The following PTPRD variants were observed in gnomAD, a reference collection of about 807,000 sequenced individuals.
PTPRD encodes the protein receptor-type tyrosine-protein phosphatase delta.
A neutral mutation model predicts 214.5 loss-of-function variants in PTPRD; 34 were observed. The observed-to-expected ratio is 0.16, with a 90% CI of 0.12 to 0.21. PTPRD has a LOEUF of 0.21. Among genes scored for constraint, PTPRD ranks in the 10% least tolerant of loss-of-function variants. The pLI is 1.00. For synonymous variants in PTPRD, 1,128 were observed against 845.7 expected (o/e 1.33, Z -5.79); for missense variants, 2,545 against 2,398.7 (o/e 1.06, Z -1.27).
chr9:10,255,251 C>A (rs1003091625), intron 3 of PTPRD, among the ~76,000 whole-genome samples: 2 of 152,090 alleles, frequency 1.3e-5, no homozygotes, highest in Admixed American at 6.5e-5. Context: ...TCTATGTGAA[C>A]ATCATAGAGT....
chr9:9,916,538 C>T (rs115956209), intron 5 of PTPRD, among the ~76,000 whole-genome samples: 1 of 151,672 alleles, frequency 6.6e-6, no homozygotes, highest in Non-Finnish European at 1.5e-5. Flanking sequence ...TATATATATA[C>T]ATGTATGTAT....
chr9:9,835,161 G>A (rs1276051337), intron 5 of PTPRD, among the ~76,000 whole-genome samples: 1 of 152,058 alleles, frequency 6.6e-6, no homozygotes, highest in South Asian at 2.1e-4. Flanking sequence ...CATAGTGTTA[G>A]TACAAAATAC....
At chr9:9,259,776 G>A (rs892107885) in intron 9 of PTPRD, among the ~76,000 whole-genome samples, 4 of 151,884 alleles carry the variant, frequency 2.6e-5, no homozygotes, top group Admixed American at 6.6e-5. Context: ...AAGGTTTGGA[G>A]AACTGTATAC....
chr9:8,556,224 G>C (rs1056445972), intron 14 of PTPRD, among the ~76,000 whole-genome samples: 3 of 152,190 alleles, frequency 2.0e-5, no homozygotes, highest in Non-Finnish European at 2.9e-5. Context: ...TATAAGTCTG[G>C]TCTCTTAGGC....
chr9:9,194,945 AG>A (rs2099937421), intron 9 of PTPRD, among the ~76,000 whole-genome samples: 2 of 151,772 alleles, frequency 1.3e-5, no homozygotes, highest in African/African-American at 4.8e-5. Flanking sequence ...TACTAAGTGA[AG>A]GAGTCAAATA....
chr9:9,236,437 G>A (rs767593722), intron 9 of PTPRD, among the ~76,000 whole-genome samples: 11 of 151,694 alleles, frequency 7.3e-5, no homozygotes, highest in Admixed American at 7.2e-4. Flanking sequence ...TAGAAACAAA[G>A]TTAAAATTCA....
chr9:8,725,663 T>C (rs2098549245), intron 12 of PTPRD, among the ~76,000 whole-genome samples: 2 of 152,192 alleles, frequency 1.3e-5, no homozygotes, highest in African/African-American at 2.4e-5. Flanking sequence ...AATCCTATTA[T>C]TCAAAATGCT....
At chr9:10,475,014 T>C (rs778440755) in intron 2 of PTPRD, among the ~76,000 whole-genome samples, 1 of 152,138 alleles carries the variant, frequency 6.6e-6, no homozygotes, top group Admixed American at 6.6e-5. Flanking sequence ...TAGTACTAAA[T>C]GTCCACAGGA....
chr9:10,502,469 A>C (rs1307177631), intron 2 of PTPRD, among the ~76,000 whole-genome samples: 1 of 152,020 alleles, frequency 6.6e-6, no homozygotes, highest in Non-Finnish European at 1.5e-5. Flanking sequence ...ATACACAATA[A>C]GGTAAAAAAG....
intron 10 of PTPRD, among the ~76,000 whole-genome samples, chr9:9,159,415 A>G (rs943802047): frequency 6.6e-6 from 1 of 152,202 alleles, no homozygotes; most frequent in Non-Finnish European, 1.5e-5. Flanking sequence ...CTATATATGT[A>G]TAATGAACTA....
intron 43 of PTPRD, among the ~76,000 whole-genome samples, chr9:8,336,767 C>A (rs905252776): frequency 1.3e-5 from 2 of 151,994 alleles, no homozygotes; most frequent in African/African-American, 4.8e-5. Flanking sequence ...AGGAAAACAA[C>A]AACCTCATCA....
intron 4 of PTPRD, among the ~76,000 whole-genome samples, chr9:9,986,895 A>AT (rs5896358): frequency 9.4e-5 from 14 of 148,594 alleles, no homozygotes; most frequent in East Asian, 7.9e-4. Context: ...TAGATTTCAT[A>AT]TTTTTTTTTT....
intron 6 of PTPRD, among the ~76,000 whole-genome samples, chr9:9,765,870 G>C (rs940078678): frequency 6.6e-6 from 1 of 152,022 alleles, no homozygotes; most frequent in African/African-American, 2.4e-5. Context: ...CACCGTGTTA[G>C]CCAGGATGGT....
intron 4 of PTPRD, among the ~76,000 whole-genome samples, chr9:10,020,253 A>C (rs560343571): frequency 6.6e-6 from 1 of 152,308 alleles, no homozygotes; most frequent in East Asian, 1.9e-4. Flanking sequence ...TTGGCACCGC[A>C]CAATACTATC....
chr9:8,765,701 G>C (rs1327590276), intron 11 of PTPRD, among the ~76,000 whole-genome samples: 2 of 152,184 alleles, frequency 1.3e-5, no homozygotes, highest in Non-Finnish European at 2.9e-5. Context: ...AATAAATGCT[G>C]TTTTAAGTTG....
intron 3 of PTPRD, among the ~76,000 whole-genome samples, chr9:10,182,910 T>G (rs981541112): frequency 3.9e-5 from 6 of 152,166 alleles, no homozygotes; most frequent in African/African-American, 1.4e-4. Context: ...TGACACCATG[T>G]ACTTGATCAG....
intron 8 of PTPRD, among the ~76,000 whole-genome samples, chr9:9,472,407 G>T (rs1160601972): frequency 6.6e-6 from 1 of 151,676 alleles, no homozygotes; most frequent in African/African-American, 2.4e-5. Context: ...GTTTCACCTT[G>T]TTAGCCAGGA....
At chr9:8,922,083 G>C (rs1442308437) in intron 11 of PTPRD, among the ~76,000 whole-genome samples, 2 of 152,174 alleles carry the variant, frequency 1.3e-5, no homozygotes, top group Non-Finnish European at 1.5e-5. Flanking sequence ...AACAGGCAGA[G>C]AATTCGTGTG....
intron 3 of PTPRD, among the ~76,000 whole-genome samples, chr9:10,052,941 A>G (rs2097560276): frequency 6.6e-6 from 1 of 152,124 alleles, no homozygotes. Flanking sequence ...TATATTTTTT[A>G]TATTATATTT....
Sources: gnomAD v4.1 joint callset for allele counts (sites outside exome capture counted in the v4.1 genomes callset) on GRCh38, gnomAD v4.1.1 for gene constraint, MANE v1.5 for transcripts, NCBI Gene and HGNC (gene_info 2026-07-23, HGNC 2026-07-21) for gene names.